The following C1QTNF2 variants were observed in gnomAD, a reference collection of about 807,000 sequenced individuals.
The protein encoded by C1QTNF2 is complement C1q tumor necrosis factor-related protein 2.
C1QTNF2 carries 15 observed loss-of-function variants against 17.4 expected under a neutral mutation model. The ratio of observed to expected loss-of-function variants is 0.86; its 90% CI spans 0.58 to 1.33. C1QTNF2 has a LOEUF of 1.33. Ranked by LOEUF, C1QTNF2 falls within the 40% of genes most tolerant of loss-of-function variation. C1QTNF2 has a pLI of 0.00. For synonymous variants in C1QTNF2, 154 were observed against 163.3 expected, an observed-to-expected ratio of 0.94 and a Z score of 0.44; for missense variants, 381 against 392.3, an observed-to-expected ratio of 0.97 and a Z score of 0.24.
chr5:160,351,047 G>T (rs1462706028), intron 2 of C1QTNF2, among the ~76,000 whole-genome samples: 2 of 152,172 alleles, frequency 1.3e-5, no homozygotes, highest in African/African-American at 4.8e-5. Context: ...ACCACACCTG[G>T]CCCACAGTGC....
intron 1 of C1QTNF2, among the ~76,000 whole-genome samples, chr5:160,367,118 T>C (rs940091754): frequency 3.2e-4 from 48 of 151,424 alleles, no homozygotes; most frequent in Admixed American, 2.6e-4. Flanking sequence ...ACTGAGGAAA[T>C]TATAGCCTAG....
rs1215151707 is a variant in C1QTNF2, at chr5:160,348,877, A to G, written c.*291T>C. On this transcript the variant is annotated 3_prime_UTR_variant, in exon 3 of 3. Coordinates refer to ENST00000652664, the MANE Select transcript of C1QTNF2 (RefSeq NM_031908.6). Reference sequence around the variant, plus strand: ...ATTTGTAAATTGTATCTCCTGCTAGAATGTAAGCTGCATGAGGACAGATAC... The same window carrying G: ...ATTTGTAAATTGTATCTCCTGCTAGGATGTAAGCTGCATGAGGACAGATAC... The G allele has an allele frequency of 2.1e-5, 7 of 336,442 alleles. No homozygotes were observed. The Admixed American group carries it at 2.1e-4, about 10-fold the overall frequency. 20.8% of individuals were successfully genotyped at this position (336,442 alleles called of 1,614,324 possible). A position where few individuals can be genotyped will look rare whatever the true frequency, so the allele number is the denominator to read the frequency against.
At chr5:160,367,373 C>T (rs1223812733) in intron 1 of C1QTNF2, among the ~76,000 whole-genome samples, 6 of 152,262 alleles carry the variant, frequency 3.9e-5, no homozygotes, top group Middle Eastern at 3.4e-3. Flanking sequence ...CTTGTGTCTC[C>T]CCAGAATTCA....
chr5:160,359,170 C>T (rs974994845), intron 1 of C1QTNF2, among the ~76,000 whole-genome samples: 1 of 152,072 alleles, frequency 6.6e-6, no homozygotes, highest in Non-Finnish European at 1.5e-5. Context: ...AAAACAGATA[C>T]TCCAAGAAGT....
At position 160,355,485 on chromosome 5, in the gene C1QTNF2, G is replaced by T. The variant is rs548223519; in HGVS notation, c.-9-465C>A. Among the ~76,000 whole-genome samples, 4 of 152,322 alleles carry T rather than the reference G, an allele frequency of 2.6e-5. No homozygotes were observed. In the South Asian group the frequency reaches 8.3e-4, roughly 32 times the overall value. ...TCATGGGAGACTCAGGGTTGCACATGAGGAGGGCTGAGGATTCAGTTACTG... is the reference window on the plus strand; with the variant it reads ...TCATGGGAGACTCAGGGTTGCACATTAGGAGGGCTGAGGATTCAGTTACTG... On this transcript the variant is annotated intron_variant, in intron 1 of 2. Coordinates refer to ENST00000652664, the MANE Select transcript of C1QTNF2 (RefSeq NM_031908.6).
At chr5:160,350,940 T>C (rs1254194931) in intron 2 of C1QTNF2, among the ~76,000 whole-genome samples, 7 of 152,080 alleles carry the variant, frequency 4.6e-5, no homozygotes, top group Non-Finnish European at 8.8e-5. Flanking sequence ...TTAGTAGAGA[T>C]GGGGTTTCAC....
intron 1 of C1QTNF2, among the ~76,000 whole-genome samples, chr5:160,369,015 A>G (rs1316442857): frequency 6.6e-6 from 1 of 152,104 alleles, no homozygotes; most frequent in Non-Finnish European, 1.5e-5. Flanking sequence ...TAAGTGAAAA[A>G]AGCAAGTTGT....
At chr5:160,356,522 G>A (rs1194513357) in intron 1 of C1QTNF2, among the ~76,000 whole-genome samples, 1 of 152,204 alleles carries the variant, frequency 6.6e-6, no homozygotes, top group Non-Finnish European at 1.5e-5. Context: ...CAGAGACCTT[G>A]TTTTGGGAAC....
At chr5:160,352,821 G>A (rs949814327) in intron 2 of C1QTNF2, among the ~76,000 whole-genome samples, 2 of 152,216 alleles carry the variant, frequency 1.3e-5, no homozygotes, top group African/African-American at 4.8e-5. Context: ...AATTAGTTTG[G>A]TGTGGTAGGA....
intron 1 of C1QTNF2, among the ~76,000 whole-genome samples, chr5:160,359,046 G>A (rs1001363074): frequency 6.6e-6 from 1 of 152,182 alleles, no homozygotes; most frequent in African/African-American, 2.4e-5. Flanking sequence ...AAAGTGCTGA[G>A]ATTACAGGCG....
intron 1 of C1QTNF2, among the ~76,000 whole-genome samples, chr5:160,357,768 C>CGA (rs1764077369): frequency 6.7e-6 from 1 of 149,836 alleles, no homozygotes; most frequent in East Asian, 2.0e-4. Context: ...GCCAGCCGGA[C>CGA]GAGAGAGAGG....
chr5:160,365,602 T>C (rs1030660336), intron 1 of C1QTNF2, among the ~76,000 whole-genome samples: 1 of 151,810 alleles, frequency 6.6e-6, no homozygotes, highest in South Asian at 2.1e-4. Context: ...GAAAAAAAAA[T>C]CAGATACAGG....
Position 160,349,421 on chromosome 5 carries a change from G to T in C1QTNF2, c.605C>A (p.Thr202Lys). The T allele has an allele frequency of 6.2e-7, 1 of 1,614,020 alleles. No homozygotes were observed. The highest frequency in any genetic ancestry group is 8.5e-7 in the Non-Finnish European group (1 of 1,180,020). The stretch of plus-strand genomic sequence containing the variant: ...GATGGCCAGGTGCTTGTTGGCCAGC[G>T]TGATGTCGTAGGTGAAGTAGTAGAT... ...PGIYYFTYDI[T>K]LANKHLAIGL... Residue 202 changes from threonine to lysine, a missense_variant, in exon 3 of 3, where the codon ACG becomes AAG. Physicochemically the swap from Thr to Lys is moderately conservative, Grantham distance 78. Coordinates refer to ENST00000652664, the MANE Select transcript of C1QTNF2 (RefSeq NM_031908.6). The surrounding 1 kb of genome is among the most constrained non-coding windows in gnomAD (Gnocchi z 4.3).
At chr5:160,355,103 G>A in intron 1 of C1QTNF2, 83 bp from the exon 2 acceptor site, 2 of 1,445,162 alleles carry the variant, frequency 1.4e-6, no homozygotes, top group Non-Finnish European at 1.8e-6. Context: ...CACAGGAGGA[G>A]GCAGCTGGGA....
intron 2 of C1QTNF2, among the ~76,000 whole-genome samples, chr5:160,350,136 T>C (rs1227627388): frequency 6.6e-6 from 1 of 152,212 alleles, no homozygotes; most frequent in African/African-American, 2.4e-5. Flanking sequence ...AAAAGCCTCT[T>C]GATTTCAACA....
In C1QTNF2 at chr5:160,354,917, G is replaced by C. The variant is rs774646781; in HGVS notation, c.95C>G (p.Pro32Arg). 6.2e-7 allele frequency: 1 copy of C among 1,600,832 alleles called. No homozygotes were observed. Among genetic ancestry groups the C allele is most frequent in the Non-Finnish European group, 8.5e-7 (1 of 1,174,176 alleles). Residue 32 changes from proline to arginine, a missense_variant, in exon 2 of 3, where the codon CCT becomes CGT. By Grantham distance (103) the Pro-to-Arg change is moderately radical (BLOSUM62 -2). Coordinates refer to ENST00000652664, the MANE Select transcript of C1QTNF2 (RefSeq NM_031908.6). ...GCCAGGCAGGCTGCAGACCAGTTGA[G>C]GGGAGCCTTTCCGGAAGTCCCTGCG... The part of the protein sequence containing the change: ...FARRDFRKGS[P>R]QLVCSLPGPQ...
intron 1 of C1QTNF2, among the ~76,000 whole-genome samples, chr5:160,361,079 C>T (rs1424952471): frequency 6.6e-6 from 1 of 152,202 alleles, no homozygotes; most frequent in African/African-American, 2.4e-5. Context: ...GTGTGAGCCA[C>T]TGTAGCTGGC....
At chr5:160,368,026 G>A (rs772571428) in intron 1 of C1QTNF2, among the ~76,000 whole-genome samples, 3 of 152,290 alleles carry the variant, frequency 2.0e-5, no homozygotes, top group South Asian at 4.1e-4. Flanking sequence ...CTAGGTCAAT[G>A]TTTGGGTGGA....
intron 1 of C1QTNF2, among the ~76,000 whole-genome samples, chr5:160,359,938 G>A (rs1462319272): frequency 2.6e-5 from 4 of 151,918 alleles, no homozygotes; most frequent in African/African-American, 9.7e-5. Context: ...CGGCTCCTCT[G>A]GCCCAGCACC....
Sources: allele counts gnomAD v4.1 joint callset (sites outside exome capture counted in the v4.1 genomes callset), GRCh38; gene constraint gnomAD v4.1.1; non-coding constraint Gnocchi (gnomAD v3.1); transcripts MANE v1.5; gene names NCBI Gene and HGNC (gene_info 2026-07-23, HGNC 2026-07-21).